FNBP1L: variants seen among roughly 807,000 people sequenced by gnomAD.
The protein encoded by FNBP1L is formin binding protein 1 like.
Under a neutral mutation model 91.2 loss-of-function variants are expected in FNBP1L, and 36 were observed. The observed-to-expected ratio is 0.39, with a 90% CI of 0.30 to 0.52. FNBP1L has a LOEUF of 0.52. FNBP1L is among the 20% of genes least tolerant of loss of function. The probability of loss-of-function intolerance (pLI) is 0.66; values close to 1 mark genes in which losing one functional copy is unlikely to be tolerated. For missense variants in FNBP1L, 571 were observed against 732.1 expected (o/e 0.78, Z 2.54); for synonymous variants, 242 against 237.0 (o/e 1.02, Z -0.19).
intron 2 of FNBP1L, among the ~76,000 whole-genome samples, chr1:93,510,017 T>C (rs1383392674): frequency 6.6e-6 from 1 of 151,926 alleles, no homozygotes; most frequent in Non-Finnish European, 1.5e-5. Flanking sequence ...AACTGCAAGG[T>C]GGCAGCCAGG....
chr1:93,520,873 C>A (rs1354182732), intron 2 of FNBP1L, among the ~76,000 whole-genome samples: 1 of 152,114 alleles, frequency 6.6e-6, no homozygotes, highest in Non-Finnish European at 1.5e-5. Context: ...GAAACCCTAT[C>A]TCTACTAAAA....
At chr1:93,498,603 A>G (rs1183544952) in intron 1 of FNBP1L, among the ~76,000 whole-genome samples, 1 of 152,158 alleles carries the variant, frequency 6.6e-6, no homozygotes, top group Admixed American at 6.5e-5. Context: ...AAGGGATGAT[A>G]CTTGAATTTT....
At chr1:93,493,107 T>C (rs1670149729) in intron 1 of FNBP1L, among the ~76,000 whole-genome samples, 1 of 151,990 alleles carries the variant, frequency 6.6e-6, no homozygotes, top group South Asian at 2.1e-4. Flanking sequence ...CTACTAAAAA[T>C]ACAAAAATTA....
chr1:93,514,502 A>G (rs1251045660), intron 2 of FNBP1L, among the ~76,000 whole-genome samples: 2 of 152,008 alleles, frequency 1.3e-5, no homozygotes, highest in Non-Finnish European at 2.9e-5. Context: ...GCATCACACT[A>G]CCTGACTTCA....
chr1:93,449,249 C>T (rs1327174604), intron 1 of FNBP1L, among the ~76,000 whole-genome samples: 1 of 151,816 alleles, frequency 6.6e-6, no homozygotes, highest in Non-Finnish European at 1.5e-5. Context: ...GCGGAAGGGT[C>T]GAGGTGTGGA....
chr1:93,461,433 C>T (rs1668859503), intron 1 of FNBP1L, among the ~76,000 whole-genome samples: 1 of 140,750 alleles, frequency 7.1e-6, no homozygotes, highest in Non-Finnish European at 1.6e-5. Flanking sequence ...CCGTCACTGG[C>T]GTGGGTTCAC....
At chr1:93,451,770 G>GC (rs1481460591) in intron 1 of FNBP1L, among the ~76,000 whole-genome samples, 1 of 151,970 alleles carries the variant, frequency 6.6e-6, no homozygotes, top group Non-Finnish European at 1.5e-5. Context: ...TCCCACCTCA[G>GC]CCCCCCGAGT....
chr1:93,523,159 A>C (rs779953115), intron 3 of FNBP1L, among the ~76,000 whole-genome samples, 185 bp from the exon 4 acceptor site: 1 of 152,236 alleles, frequency 6.6e-6, no homozygotes, highest in South Asian at 2.1e-4. Flanking sequence ...ACTTGAAGAT[A>C]TACAAACATG....
intron 2 of FNBP1L, among the ~76,000 whole-genome samples, chr1:93,507,103 ACACACTCTCTCTCTCTCTCT>A (rs1670658110): frequency 1.1e-4 from 6 of 52,614 alleles, no homozygotes; most frequent in South Asian, 8.2e-4. Context: ...ACACACACAC[ACACACTCTCTCTCTCTCTCT>A]CTCTCTCTCT....
chr1:93,547,652 T>A (rs1036933028), intron 14 of FNBP1L, among the ~76,000 whole-genome samples: 1 of 152,116 alleles, frequency 6.6e-6, no homozygotes, highest in African/African-American at 2.4e-5. Context: ...TTGTCATGCA[T>A]CCAAACACAG....
chr1:93,488,089 A>AC (rs1669967791), intron 1 of FNBP1L, among the ~76,000 whole-genome samples: 1 of 152,126 alleles, frequency 6.6e-6, no homozygotes, highest in Non-Finnish European at 1.5e-5. Context: ...TTTTTCTTTT[A>AC]CAACCCATGC....
chr1:93,489,466 C>T (rs1350420480), intron 1 of FNBP1L, among the ~76,000 whole-genome samples: 1 of 151,740 alleles, frequency 6.6e-6, no homozygotes, highest in Admixed American at 6.6e-5. Flanking sequence ...GACATTCTTC[C>T]TACTTCATAA....
chr1:93,551,745 A>G (rs1236936683), intron 16 of FNBP1L: 2 of 984,920 alleles, frequency 2.0e-6, no homozygotes. Flanking sequence ...CTCCTGGTCT[A>G]GCTCTTAGGT....
At chr1:93,530,728 T>G in intron 6 of FNBP1L, 27 bp from the exon 7 acceptor site, 1 of 1,588,228 alleles carries the variant, frequency 6.3e-7, no homozygotes, top group Non-Finnish European at 8.6e-7. Context: ...TTGTTGTTGA[T>G]AATAATTTCG....
intron 14 of FNBP1L, among the ~76,000 whole-genome samples, chr1:93,547,808 GA>G (rs973392953): frequency 4.6e-5 from 7 of 150,966 alleles, no homozygotes; most frequent in African/African-American, 1.5e-4. Context: ...GTTTTGTGAA[GA>G]AAAAAAAATG....
chr1:93,494,428 T>C (rs1557791034), intron 1 of FNBP1L, among the ~76,000 whole-genome samples: 1 of 152,182 alleles, frequency 6.6e-6, no homozygotes, highest in Non-Finnish European at 1.5e-5. Flanking sequence ...AAATCATTAA[T>C]TATTGTTGAT....
At chr1:93,471,656 C>T (rs765011907) in intron 1 of FNBP1L, among the ~76,000 whole-genome samples, 3 of 152,198 alleles carry the variant, frequency 2.0e-5, no homozygotes, top group Non-Finnish European at 4.4e-5. Context: ...TGCACCACTG[C>T]ACTCCAGCCT....
At chr1:93,547,836 C>A (rs1672291146) in intron 14 of FNBP1L, among the ~76,000 whole-genome samples, 1 of 152,104 alleles carries the variant, frequency 6.6e-6, no homozygotes, top group African/African-American at 2.4e-5. Context: ...TAGTTTGGAC[C>A]AGAGCTTCCA....
intron 1 of FNBP1L, among the ~76,000 whole-genome samples, chr1:93,483,530 A>G (rs1669790643): frequency 6.6e-6 from 1 of 152,208 alleles, no homozygotes. Context: ...ATTATATGAA[A>G]TTGACTACAT....
Sources: gnomAD v4.1 joint callset for allele counts (sites outside exome capture counted in the v4.1 genomes callset) on GRCh38, gnomAD v4.1.1 for gene constraint, MANE v1.5 for transcripts, NCBI Gene and HGNC (gene_info 2026-07-23, HGNC 2026-07-21) for gene names.